The following RBM28 variants were observed in gnomAD, a reference collection of about 807,000 sequenced individuals.
The protein encoded by RBM28 is RNA-binding protein 28.
Under a neutral mutation model 98.3 loss-of-function variants are expected in RBM28, and 78 were observed. The observed-to-expected ratio is 0.79, with a 90% CI of 0.66 to 0.96. RBM28 has a LOEUF of 0.96. RBM28 is among the 40% of genes least tolerant of loss of function. The probability of loss-of-function intolerance (pLI) is 0.00; values close to 1 mark genes in which losing one functional copy is unlikely to be tolerated. For synonymous variants in RBM28, 306 were observed against 330.9 expected, an observed-to-expected ratio of 0.92 and a Z score of 0.82; for missense variants, 838 against 913.0, an observed-to-expected ratio of 0.92 and a Z score of 1.06.
At position 128,318,088 on chromosome 7, in the gene RBM28, G is replaced by A; in HGVS notation, c.1582C>T (p.Leu528Phe). ...RIKECRVMRD[L>F]KGVHGNMKGQ... ...TTCATGTTCCCATGAACTCCTTTGA[G>A]GTCTCGCATCACTCTACACTATGAG... is the stretch of plus-strand genomic sequence containing the variant. The change falls in exon 15 of 19, where the codon CTC (leucine) becomes TTC (phenylalanine). Residue 528 changes from leucine to phenylalanine, a missense_variant. Transcript: ENST00000223073. The A allele has an allele frequency of 1.2e-6, 2 of 1,613,138 alleles. No individual in the cohort carries two copies. Among genetic ancestry groups the A allele is most frequent in the Non-Finnish European group, 1.7e-6 (2 of 1,179,080 alleles).
chr7:128,305,515 A>T lies in RBM28; in HGVS notation c.*5282T>A, dbSNP rs545937712. 1 of 152,316 alleles carries T rather than the reference A, an allele frequency of 6.6e-6. No individual in the cohort carries two copies. The highest frequency in any genetic ancestry group is 2.1e-4 in the South Asian group (1 of 4,828). 9.4% of individuals were successfully genotyped at this position (152,316 alleles called of 1,614,324 possible). A position where few individuals can be genotyped will look rare whatever the true frequency, so the allele number is the denominator to read the frequency against. On this transcript the variant is annotated 3_prime_UTR_variant, in exon 19 of 19. Transcript: ENST00000223073. ...TTTTTTCTTTTTTTGTAGAGGTGGG[A>T]TCTTGCTATGTTGCCCAGGCTAGTC...
At chr7:128,322,795 T>C (rs1796264396) in intron 13 of RBM28, among the ~76,000 whole-genome samples, 2 of 152,074 alleles carry the variant, frequency 1.3e-5, no homozygotes, top group African/African-American at 2.4e-5. Flanking sequence ...ACCACAAAAG[T>C]TGAAAACACT....
rs201234922 is a variant in RBM28 at position 128,317,702 on chromosome 7, C to T, written c.1745G>A (p.Arg582Gln). The T allele has an allele frequency of 1.9e-5, 31 of 1,608,854 alleles. No homozygotes were observed. In the East Asian group the frequency reaches 3.8e-4, roughly 20 times the overall value. The stretch of plus-strand genomic sequence containing the variant: ...TAATTCCTTCATTTTAAGTTTTCTT[C>T]GATCTTCTAAAGAGAACTCCACTAT... ...RPIVEFSLED[R>Q]RKLKMKELRI... The change falls in exon 16 of 19, where the codon CGA becomes CAA. Residue 582 changes from arginine to glutamine, a missense_variant. Transcript: ENST00000223073.
At chr7:128,342,276 G>A (rs1215746202) in intron 1 of RBM28, among the ~76,000 whole-genome samples, 3 of 152,168 alleles carry the variant, frequency 2.0e-5, no homozygotes, top group African/African-American at 7.2e-5. Flanking sequence ...CCTATTTTAA[G>A]TACATAAGCT....
intron 11 of RBM28, 145 bp from the exon 12 acceptor site, chr7:128,324,839 C>A (rs1435670214): frequency 4.5e-6 from 5 of 1,105,470 alleles, no homozygotes; most frequent in Non-Finnish European, 5.4e-6. Flanking sequence ...CATGGTGAAA[C>A]CTCGTCTCTA....
chr7:128,338,393 G>C, intron 4 of RBM28, 51 bp from the exon 5 acceptor site: 1 of 1,443,532 alleles, frequency 6.9e-7, no homozygotes, highest in South Asian at 1.1e-5. Context: ...GAGGTAGCCA[G>C]AATACTAAGA....
At chr7:128,320,937 G>A (rs1441131589) in intron 14 of RBM28, among the ~76,000 whole-genome samples, 1 of 152,180 alleles carries the variant, frequency 6.6e-6, no homozygotes, top group African/African-American at 2.4e-5. Context: ...AGGCCGAGGT[G>A]GGCAGATCAC....
At chr7:128,342,197 C>T (rs1053011243) in intron 1 of RBM28, among the ~76,000 whole-genome samples, 2 of 152,130 alleles carry the variant, frequency 1.3e-5, no homozygotes, top group African/African-American at 4.8e-5. Context: ...CTAGTCATGA[C>T]CCACTCAAGA....
At position 128,318,019 on chromosome 7, in the gene RBM28, C is replaced by T. The variant is rs765992193; in HGVS notation, c.1651G>A (p.Glu551Lys). Reference protein sequence around the residue: ...GYAFAEFQEHEHALKALRLIN... With the variant: ...GYAFAEFQEHKHALKALRLIN... ...AGGCGGAGGGCTTTCAGGGCATGCT[C>T]GTGCTCTTGGAACTCCGCAAAGGCG... Residue 551 changes from glutamate to lysine, a missense_variant, in exon 15 of 19, where the codon GAG becomes AAG. Coordinates refer to ENST00000223073, the MANE Select transcript of RBM28 (RefSeq NM_018077.3). 5.6e-6 allele frequency: 9 copies of T among 1,614,214 alleles called. No homozygotes were observed. In the East Asian group the frequency reaches 1.1e-4, roughly 20 times the overall value.
chr7:128,332,545 G>A (rs1005768396), intron 9 of RBM28, among the ~76,000 whole-genome samples: 21 of 151,932 alleles, frequency 1.4e-4, no homozygotes, highest in African/African-American at 4.8e-4. Flanking sequence ...AGTAAAAATG[G>A]GGTTTCACCA....
intron 10 of RBM28, among the ~76,000 whole-genome samples, chr7:128,326,128 C>T (rs138052690): frequency 1.2e-3 from 184 of 152,122 alleles, no homozygotes; most frequent in African/African-American, 3.9e-3. Context: ...CACAGTGAAA[C>T]CCCGTCGCTA....
intron 16 of RBM28, among the ~76,000 whole-genome samples, chr7:128,315,375 G>A (rs962292557): frequency 1.5e-4 from 23 of 152,112 alleles, no homozygotes; most frequent in African/African-American, 4.8e-4. Flanking sequence ...AAGTAATAAG[G>A]GCTGAGAATT....
rs1288315340 is a variant in RBM28 at position 128,297,788 on chromosome 7, C to T, written c.*13009G>A. On this transcript the variant is annotated 3_prime_UTR_variant, in exon 19 of 19. Transcript: ENST00000223073. ...TAGACTGGATTAAGAAAATGTGGCA[C>T]ATATACACATATGCAGCCATAAAAA... 6.6e-6 allele frequency: 1 copy of T among 152,034 alleles called. No homozygotes were observed. The highest frequency in any genetic ancestry group is 1.5e-5 in the Non-Finnish European group (1 of 68,020). 9.4% of individuals were successfully genotyped at this position (152,034 alleles called of 1,614,324 possible).
chr7:128,339,927 T>C, intron 1 of RBM28, 136 bp from the exon 2 acceptor site: 1 of 1,073,028 alleles, frequency 9.3e-7, no homozygotes. Flanking sequence ...GCTATCAGTT[T>C]GCCAAAAGTC....
At chr7:128,339,544 A>G in intron 2 of RBM28, 89 bp downstream of exon 2, 4 of 1,475,866 alleles carry the variant, frequency 2.7e-6, no homozygotes, top group Non-Finnish European at 3.8e-6. Context: ...TTTAAGTTCT[A>G]GAAGCTACCT....
Position 128,337,135 on chromosome 7 carries a change from A to G in RBM28, c.609T>C (p.Ala203=). ...CCCAACACTACCACATCTTACCTAT[A>G]GCAGAAACAGACTGTGTATCTTTAT... ...DKYKDTQSVS[A]IGEEKSHESK... is the part of the protein sequence containing the mutation. The change falls in exon 6 of 19, where the codon GCT becomes GCC. Residue 203 remains alanine, a synonymous_variant. Coordinates refer to ENST00000223073, the MANE Select transcript of RBM28 (RefSeq NM_018077.3). The G allele has an allele frequency of 6.2e-7, 1 of 1,614,084 alleles. No homozygotes were observed. The highest frequency in any genetic ancestry group is 8.5e-7 in the Non-Finnish European group (1 of 1,179,938).
At position 128,317,722 on chromosome 7, in the gene RBM28, C is replaced by A; in HGVS notation, c.1725G>T (p.Val575=). 1 of 1,601,478 alleles carries A rather than the reference C, an allele frequency of 6.2e-7. No homozygotes were observed. Among genetic ancestry groups the A allele is most frequent in the Non-Finnish European group, 8.6e-7 (1 of 1,168,678 alleles). The change falls in exon 16 of 19, where the codon GTG becomes GTT. Residue 575 remains valine (V), a synonymous_variant. Coordinates refer to ENST00000223073, the MANE Select transcript of RBM28 (RefSeq NM_018077.3). ...TTCTTCGATCTTCTAAAGAGAACTC[C>A]ACTATTGGTCTCTGTCAGAGGGAGA... ...EIFGPLKRPI[V]EFSLEDRRKL...
rs1180380765 is a variant in RBM28, at chr7:128,300,823, C to T, written c.*9974G>A. 1 of 152,288 alleles carries T rather than the reference C, an allele frequency of 6.6e-6. No individual in the cohort carries two copies. Among genetic ancestry groups the T allele is most frequent in the Non-Finnish European group, 1.5e-5 (1 of 68,096 alleles). The allele number at this position is 152,288 out of a possible 1,614,324, so 9.4% of individuals were successfully genotyped here. ...TCATGATCCCTTAGCAGTGTTTGCT[C>T]TGGAAAAGGAGGAACAGGGACCTGG... On this transcript the variant is annotated 3_prime_UTR_variant, in exon 19 of 19. Coordinates refer to ENST00000223073, the MANE Select transcript of RBM28 (RefSeq NM_018077.3).
rs1795761297 is a variant in RBM28, at chr7:128,300,122, A to G, written c.*10675T>C. On this transcript the variant is annotated 3_prime_UTR_variant, in exon 19 of 19. Coordinates refer to ENST00000223073, the MANE Select transcript of RBM28 (RefSeq NM_018077.3). ...TATAGGCCCTTTCTCAACTTTCCCTAGAAGCCCAGGTTTCCTTGCTACAAC... is the reference window on the plus strand; with the variant it reads ...TATAGGCCCTTTCTCAACTTTCCCTGGAAGCCCAGGTTTCCTTGCTACAAC... 1 of 152,230 alleles carries G rather than the reference A, an allele frequency of 6.6e-6. No homozygotes were observed. Among genetic ancestry groups the G allele is most frequent in the Non-Finnish European group, 1.5e-5 (1 of 68,046 alleles). The allele number at this position is 152,230 out of a possible 1,614,324, so 9.4% of individuals were successfully genotyped here.
Sources: gnomAD v4.1 joint callset for allele counts (sites outside exome capture counted in the v4.1 genomes callset) on GRCh38, gnomAD v4.1.1 for gene constraint, MANE v1.5 for transcripts, NCBI Gene and HGNC (gene_info 2026-07-23, HGNC 2026-07-21) for gene names.